Variants in FILIP1L observed in about 807,000 individuals in gnomAD.
FILIP1L encodes the protein filamin A-interacting protein 1-like.
In FILIP1L, 55 loss-of-function variants were observed where a neutral mutation model predicts 96.6. That is an observed-to-expected ratio of 0.57 (90% confidence interval 0.46 to 0.71). The LOEUF is 0.71. Ranked by LOEUF, FILIP1L falls within the 30% of genes least tolerant of loss-of-function variation. The probability of loss-of-function intolerance (pLI) is 0.00; values close to 1 mark genes in which losing one functional copy is unlikely to be tolerated. For missense variants in FILIP1L, 1,304 were observed against 1,321.2 expected (o/e 0.99, Z 0.20); for synonymous variants, 467 against 473.9 (o/e 0.99, Z 0.19).
chr3:99,834,427 C>G (rs1942811887), intron 5 of FILIP1L, among the ~76,000 whole-genome samples: 1 of 152,194 alleles, frequency 6.6e-6, no homozygotes, highest in Non-Finnish European at 1.5e-5. Context: ...ATCTCTCTTT[C>G]TGTGGAAATT....
At chr3:99,971,284 G>C (rs956786266) in intron 1 of FILIP1L, among the ~76,000 whole-genome samples, 2 of 149,152 alleles carry the variant, frequency 1.3e-5, no homozygotes, top group African/African-American at 5.0e-5. Context: ...AGCTTGCAGT[G>C]AGCCAAGATC....
intron 1 of FILIP1L, among the ~76,000 whole-genome samples, chr3:100,038,877 T>C (rs190452894): frequency 3.9e-4 from 59 of 152,214 alleles, no homozygotes; most frequent in Admixed American, 2.4e-3. Flanking sequence ...GAACATATTG[T>C]CTATATCGTA....
chr3:99,918,260 G>A (rs1051549739), intron 4 of FILIP1L, among the ~76,000 whole-genome samples: 2 of 152,220 alleles, frequency 1.3e-5, no homozygotes, highest in Admixed American at 6.5e-5. Flanking sequence ...ACAGGTGTGA[G>A]CCACCACGCC....
At chr3:99,908,855 A>G (rs1706704445) in intron 4 of FILIP1L, among the ~76,000 whole-genome samples, 1 of 152,080 alleles carries the variant, frequency 6.6e-6, no homozygotes, top group Admixed American at 6.5e-5. Flanking sequence ...TCTACCATCT[A>G]CAAAAAAAAA....
intron 1 of FILIP1L, among the ~76,000 whole-genome samples, chr3:100,064,773 A>G (rs1275787364): frequency 1.3e-5 from 2 of 152,146 alleles, no homozygotes; most frequent in Non-Finnish European, 2.9e-5. Flanking sequence ...GTTGCTGTCT[A>G]CTACATGAGA....
intron 1 of FILIP1L, among the ~76,000 whole-genome samples, chr3:100,073,699 G>A (rs2065799496): frequency 1.3e-5 from 2 of 152,324 alleles, no homozygotes; most frequent in South Asian, 4.1e-4. Flanking sequence ...CCACTGGTCT[G>A]TCTTCTAACA....
At chr3:100,099,164 A>G (rs1280902886) in intron 1 of FILIP1L, among the ~76,000 whole-genome samples, 1 of 152,222 alleles carries the variant, frequency 6.6e-6, no homozygotes, top group Non-Finnish European at 1.5e-5. Flanking sequence ...AGAGAATACA[A>G]TACTGGATTT....
At chr3:100,084,631 A>G (rs968170278) in intron 1 of FILIP1L, among the ~76,000 whole-genome samples, 5 of 152,222 alleles carry the variant, frequency 3.3e-5, no homozygotes, top group African/African-American at 1.2e-4. Flanking sequence ...TACTATGTCT[A>G]TGCAAGGGAT....
chr3:99,886,428 G>GA (rs889864300), intron 4 of FILIP1L, among the ~76,000 whole-genome samples: 40 of 149,652 alleles, frequency 2.7e-4, no homozygotes, highest in African/African-American at 7.6e-4. Flanking sequence ...AAAAAAATCG[G>GA]AAAAAAAAAA....
intron 1 of FILIP1L, among the ~76,000 whole-genome samples, chr3:100,108,520 G>T (rs1007099117): frequency 3.9e-5 from 6 of 152,136 alleles, no homozygotes; most frequent in Non-Finnish European, 8.8e-5. Context: ...GAAAATCTAT[G>T]CCCTTAGACA....
intron 1 of FILIP1L, among the ~76,000 whole-genome samples, chr3:100,087,307 T>C (rs1345305723): frequency 6.6e-6 from 1 of 152,252 alleles, no homozygotes; most frequent in East Asian, 1.9e-4. Context: ...TATTTTGTGT[T>C]CCCACCAACA....
intron 4 of FILIP1L, among the ~76,000 whole-genome samples, chr3:99,918,518 C>G (rs1707025782): frequency 6.6e-6 from 1 of 152,132 alleles, no homozygotes; most frequent in Non-Finnish European, 1.5e-5. Context: ...GTTCAGAAAA[C>G]TAAATTTCTG....
chr3:99,849,904 C>T lies in FILIP1L; in HGVS notation c.1772G>A (p.Arg591Lys), dbSNP rs1440329105. The T allele has an allele frequency of 1.2e-6, 2 of 1,611,818 alleles. No homozygotes were observed. ...CTCAATTGCTTCCAATGATTGAAGC[C>T]TATTTTTCAACATATTAACTCTTGA... ...LLSRVNMLKNRLQSLEAIEKD... is the reference protein window; with the variant it reads ...LLSRVNMLKNKLQSLEAIEKD... Residue 591 changes from arginine to lysine, a missense_variant, in exon 5 of 6, where the codon AGG (arginine) becomes AAG (lysine). Transcript: ENST00000477258.
intron 1 of FILIP1L, among the ~76,000 whole-genome samples, chr3:99,998,202 G>A (rs1336198376): frequency 6.6e-6 from 1 of 152,154 alleles, no homozygotes; most frequent in African/African-American, 2.4e-5. Flanking sequence ...AATTACTTTT[G>A]CACCAACCTA....
intron 1 of FILIP1L, among the ~76,000 whole-genome samples, chr3:100,008,184 G>A (rs1710042140): frequency 1.3e-5 from 2 of 152,138 alleles, no homozygotes; most frequent in South Asian, 4.1e-4. Context: ...CTACTAAGCA[G>A]TGGGAAGGAA....
At chr3:99,993,720 G>A (rs974259637) in intron 1 of FILIP1L, among the ~76,000 whole-genome samples, 9 of 152,078 alleles carry the variant, frequency 5.9e-5, no homozygotes, top group Non-Finnish European at 1.3e-4. Context: ...CTTTTTCTGT[G>A]TATATTGAGA....
intron 1 of FILIP1L, among the ~76,000 whole-genome samples, chr3:100,071,116 G>A: frequency 1.4e-5 from 1 of 70,042 alleles, no homozygotes; most frequent in East Asian, 4.0e-4. Context: ...TTTTTTGGAT[G>A]GATTAGCATT....
chr3:99,917,815 CTG>C (rs1706999642), intron 4 of FILIP1L, among the ~76,000 whole-genome samples: 1 of 152,194 alleles, frequency 6.6e-6, no homozygotes, highest in Non-Finnish European at 1.5e-5. Context: ...GTGGTAGTCA[CTG>C]TCATTCTCAC....
At chr3:99,952,216 T>C (rs928288561) in intron 1 of FILIP1L, among the ~76,000 whole-genome samples, 3 of 152,156 alleles carry the variant, frequency 2.0e-5, no homozygotes, top group Admixed American at 2.0e-4. Flanking sequence ...AATTTCTATT[T>C]GAGATCTGAT....
Sources: gnomAD v4.1 joint callset for allele counts (sites outside exome capture counted in the v4.1 genomes callset) on GRCh38, gnomAD v4.1.1 for gene constraint, MANE v1.5 for transcripts, NCBI Gene and HGNC (gene_info 2026-07-23, HGNC 2026-07-21) for gene names.